FAM171A1: variants seen among roughly 807,000 people sequenced by gnomAD.
The protein encoded by FAM171A1 is protein FAM171A1.
A neutral mutation model predicts 74.9 loss-of-function variants in FAM171A1; 23 were observed. The ratio of observed to expected loss-of-function variants is 0.31; its 90% CI spans 0.22 to 0.44. FAM171A1 has a LOEUF of 0.44. FAM171A1 is among the 20% of genes least tolerant of loss of function. The pLI is 1.00. For synonymous variants in FAM171A1, 527 were observed against 505.7 expected, an observed-to-expected ratio of 1.04 and a Z score of -0.57; for missense variants, 1,162 against 1,159.2, an observed-to-expected ratio of 1.00 and a Z score of -0.03.
intron 1 of FAM171A1, among the ~76,000 whole-genome samples, chr10:15,342,359 C>A (rs140071300): frequency 6.6e-6 from 1 of 152,174 alleles, no homozygotes; most frequent in Non-Finnish European, 1.5e-5. Context: ...CGCTTGCAGT[C>A]AGGAGTTCGA....
chr10:15,331,765 A>G (rs985339308), intron 1 of FAM171A1, among the ~76,000 whole-genome samples: 2 of 149,204 alleles, frequency 1.3e-5, no homozygotes, highest in Non-Finnish European at 3.0e-5. Context: ...GTATATATAT[A>G]TGTGGGTATA....
intron 5 of FAM171A1, among the ~76,000 whole-genome samples, chr10:15,236,596 G>C (rs769383036): frequency 5.9e-5 from 9 of 152,152 alleles, no homozygotes; most frequent in Non-Finnish European, 8.8e-5. Context: ...TCCTGTTCAC[G>C]AATGCTATCA....
At chr10:15,238,097 A>C (rs1834317284) in intron 5 of FAM171A1, among the ~76,000 whole-genome samples, 1 of 152,202 alleles carries the variant, frequency 6.6e-6, no homozygotes, top group African/African-American at 2.4e-5. Flanking sequence ...TTGGTAAAGA[A>C]ATGAACTCCC....
At chr10:15,283,748 C>T (rs971151762) in intron 2 of FAM171A1, 130 bp downstream of exon 2, 4 of 843,158 alleles carry the variant, frequency 4.7e-6, no homozygotes, top group Non-Finnish European at 7.5e-6. Context: ...TGATGCCTGG[C>T]TAATTTTAAA....
At chr10:15,263,781 ATCTATC>A (rs1834697083) in intron 3 of FAM171A1, among the ~76,000 whole-genome samples, 1 of 150,350 alleles carries the variant, frequency 6.7e-6, no homozygotes, top group South Asian at 2.1e-4. Context: ...CTATCTATCT[ATCTATC>A]ATCTATCCAT....
intron 3 of FAM171A1, among the ~76,000 whole-genome samples, chr10:15,261,962 A>G (rs181596990): frequency 6.6e-6 from 1 of 152,212 alleles, no homozygotes; most frequent in Non-Finnish European, 1.5e-5. Flanking sequence ...AAAAATCTGA[A>G]AAATTAGATG....
In FAM171A1 at chr10:15,234,813, C is replaced by A. The variant is rs915720481; in HGVS notation, c.755-13753G>T. Among the ~76,000 whole-genome samples the A allele has an allele frequency of 2.7e-5, 4 of 150,538 alleles. No individual in the cohort carries two copies. In the South Asian group the frequency reaches 8.4e-4, roughly 32 times the overall value. On this transcript the variant is annotated intron_variant, in intron 5 of 7. Transcript: ENST00000378116. Reference sequence around the variant, plus strand: ...GACTACAGGCACCCACCACCACGCCCGGCTAATTTTTATTTATTTTTTGTA... The same window carrying A: ...GACTACAGGCACCCACCACCACGCCAGGCTAATTTTTATTTATTTTTTGTA...
In FAM171A1 at chr10:15,237,239, C is replaced by T. The variant is rs565933457; in HGVS notation, c.754+11400G>A. 4.6e-5 allele frequency among the ~76,000 whole-genome samples: 7 copies of T among 152,122 alleles called. No homozygotes were observed. The East Asian group carries it at 7.7e-4, about 17-fold the overall frequency. On this transcript the variant is annotated intron_variant, in intron 5 of 7. Transcript: ENST00000378116. ...ATCACAAAAGCAGGCTATACCAAGA[C>T]GGGAAATTCTAGTTCTACATAAAAT...
intron 7 of FAM171A1, among the ~76,000 whole-genome samples, chr10:15,215,067 T>C (rs1371938761): frequency 1.3e-5 from 2 of 152,112 alleles, no homozygotes; most frequent in Non-Finnish European, 2.9e-5. Context: ...ATTTTATCCT[T>C]ATTAGAGTAG....
intron 1 of FAM171A1, among the ~76,000 whole-genome samples, chr10:15,302,230 A>G (rs1048104283): frequency 6.6e-6 from 1 of 152,006 alleles, no homozygotes; most frequent in Admixed American, 6.6e-5. Flanking sequence ...TTGGGAGGCC[A>G]ACGTGGGTGG....
At chr10:15,263,034 A>G (rs901876353) in intron 3 of FAM171A1, among the ~76,000 whole-genome samples, 1 of 152,214 alleles carries the variant, frequency 6.6e-6, no homozygotes, top group Non-Finnish European at 1.5e-5. Flanking sequence ...AGCTTCCCAC[A>G]GCAGCTGCCC....
Position 15,213,847 on chromosome 10 carries a change from A to C in FAM171A1, c.1741T>G (p.Leu581Val), listed in dbSNP as rs1366331762. Residue 581 changes from leucine (L) to valine (V), a missense_variant, in exon 8 of 8, where the codon TTG becomes GTG. Transcript: ENST00000378116. This position sits in a 1 kb window ranked among gnomAD's most constrained non-coding sequence, Gnocchi z 6.8. ...DSVYRKVLPA[L>V]VIPAHYMKLP... is the part of the protein sequence containing the mutation. ...TTCATATAATGAGCCGGGATGACCA[A>C]GGCAGGCAGTACTTTCCTGTAAACG... The C allele has an allele frequency of 1.2e-6, 2 of 1,614,190 alleles. No homozygotes were observed. The highest frequency in any genetic ancestry group is 1.7e-6 in the Non-Finnish European group (2 of 1,180,036).
intron 5 of FAM171A1, among the ~76,000 whole-genome samples, chr10:15,246,889 C>A (rs1297428754): frequency 6.6e-6 from 1 of 152,244 alleles, no homozygotes; most frequent in African/African-American, 2.4e-5. Context: ...AGGCCCCACG[C>A]TGCCAAGACC....
intron 5 of FAM171A1, among the ~76,000 whole-genome samples, chr10:15,233,051 T>A (rs142564336): frequency 2.6e-5 from 4 of 152,180 alleles, no homozygotes; most frequent in Non-Finnish European, 5.9e-5. Flanking sequence ...TCCCAGCACT[T>A]TGGGAGGCTG....
intron 1 of FAM171A1, among the ~76,000 whole-genome samples, chr10:15,345,497 A>G (rs1835808367): frequency 1.3e-5 from 2 of 152,214 alleles, no homozygotes. Context: ...AAAACACCCT[A>G]GAAGAGTGAC....
intron 3 of FAM171A1, among the ~76,000 whole-genome samples, chr10:15,262,462 G>A (rs1447713028): frequency 6.6e-6 from 1 of 152,192 alleles, no homozygotes; most frequent in Non-Finnish European, 1.5e-5. Context: ...GCCAGAGAAA[G>A]GATGAAGACA....
intron 4 of FAM171A1, among the ~76,000 whole-genome samples, chr10:15,252,749 C>G (rs773125525): frequency 7.9e-5 from 12 of 152,218 alleles, no homozygotes; most frequent in Non-Finnish European, 1.2e-4. Flanking sequence ...ATTGCAAAGA[C>G]CTCTCTTCCC....
chr10:15,331,848 T>TAA (rs1372362633), intron 1 of FAM171A1, among the ~76,000 whole-genome samples: 2 of 82,642 alleles, frequency 2.4e-5, no homozygotes, highest in Non-Finnish European at 4.4e-5. Context: ...TATGTGTGTA[T>TAA]ATATATGTGT....
chr10:15,244,794 C>T (rs1834410304), intron 5 of FAM171A1, among the ~76,000 whole-genome samples: 2 of 152,052 alleles, frequency 1.3e-5, no homozygotes, highest in Non-Finnish European at 2.9e-5. Flanking sequence ...GAGTAACTGG[C>T]ACCCGCATAC....
Sources: allele counts gnomAD v4.1 joint callset (sites outside exome capture counted in the v4.1 genomes callset), GRCh38; gene constraint gnomAD v4.1.1; non-coding constraint Gnocchi (gnomAD v3.1); transcripts MANE v1.5; gene names NCBI Gene and HGNC (gene_info 2026-07-23, HGNC 2026-07-21).